MACROD2: variants seen among roughly 807,000 people sequenced by gnomAD.
MACROD2 encodes the protein mono-ADP ribosylhydrolase 2.
MACROD2 carries 36 observed loss-of-function variants against 70.4 expected under a neutral mutation model. That is an observed-to-expected ratio of 0.51 (90% CI 0.39 to 0.68). MACROD2 has a LOEUF of 0.68. MACROD2 is among the 30% of genes least tolerant of loss of function. The pLI is 0.00. For synonymous variants in MACROD2, 172 were observed against 178.8 expected (o/e 0.96, Z 0.30); for missense variants, 496 against 538.4 (o/e 0.92, Z 0.78).
At chr20:14,279,955 A>T (rs1479379888) in intron 3 of MACROD2, among the ~76,000 whole-genome samples, 5 of 152,166 alleles carry the variant, frequency 3.3e-5, no homozygotes, top group African/African-American at 1.2e-4. Context: ...GTCAGAGGGA[A>T]ATTTCTATCC....
intron 3 of MACROD2, among the ~76,000 whole-genome samples, chr20:14,418,822 A>G (rs1321561016): frequency 6.6e-6 from 1 of 152,184 alleles, no homozygotes; most frequent in Non-Finnish European, 1.5e-5. Context: ...ACTAGAATGT[A>G]GTGAGGTCCA....
intron 5 of MACROD2, among the ~76,000 whole-genome samples, chr20:15,192,042 C>G (rs538021145): frequency 1.3e-5 from 2 of 151,280 alleles, no homozygotes; most frequent in Non-Finnish European, 2.9e-5. Context: ...ATCTATCTAT[C>G]TATCTATCTA....
chr20:14,524,183 C>G (rs1293159785), intron 4 of MACROD2, among the ~76,000 whole-genome samples: 1 of 152,188 alleles, frequency 6.6e-6, no homozygotes, highest in Non-Finnish European at 1.5e-5. Flanking sequence ...TGTAGTCACT[C>G]TGGTTATGGC....
chr20:15,833,762 G>A (rs1186234407), intron 8 of MACROD2, among the ~76,000 whole-genome samples: 1 of 152,088 alleles, frequency 6.6e-6, no homozygotes, highest in Non-Finnish European at 1.5e-5. Flanking sequence ...AATACCTAAG[G>A]TACATTTTTA....
chr20:14,475,311 T>C (rs1448719525), intron 3 of MACROD2, among the ~76,000 whole-genome samples: 4 of 140,800 alleles, frequency 2.8e-5, no homozygotes. Flanking sequence ...CTTTTTATGT[T>C]GCCTATACCA....
At chr20:14,707,290 C>T (rs1009432388) in intron 5 of MACROD2, among the ~76,000 whole-genome samples, 3 of 152,078 alleles carry the variant, frequency 2.0e-5, no homozygotes, top group African/African-American at 4.8e-5. Flanking sequence ...CCCATAGCAG[C>T]GGGATCCAGC....
rs138813996 is a variant in MACROD2 at position 15,551,725 on chromosome 20, G to A, written c.645+51878G>A. ...CTCTACAAAAAATAAAAACTTAGCCGGATGTGATGGTGTGGGCCTGTGGTC... is the reference window on the plus strand; with the variant it reads ...CTCTACAAAAAATAAAAACTTAGCCAGATGTGATGGTGTGGGCCTGTGGTC... On this transcript the variant is annotated intron_variant, in intron 8 of 17. Coordinates refer to ENST00000684519, the MANE Select transcript of MACROD2 (RefSeq NM_001351661.2). Among the ~76,000 whole-genome samples, 10 of 152,104 alleles carry A rather than the reference G, an allele frequency of 6.6e-5. No homozygotes were observed. In the East Asian group the frequency reaches 1.5e-3, roughly 24 times the overall value.
chr20:15,390,139 A>T (rs1018838757), intron 6 of MACROD2, among the ~76,000 whole-genome samples: 2 of 152,142 alleles, frequency 1.3e-5, no homozygotes, highest in Non-Finnish European at 2.9e-5. Context: ...CTTAAGTCAG[A>T]TATACAAGTC....
At chr20:15,724,379 T>C (rs2050831414) in intron 8 of MACROD2, among the ~76,000 whole-genome samples, 1 of 152,252 alleles carries the variant, frequency 6.6e-6, no homozygotes, top group Admixed American at 6.5e-5. Context: ...TTGTATGCTA[T>C]TCTCTAAGAG....
At chr20:16,018,142 A>G (rs1468552961) in intron 15 of MACROD2, among the ~76,000 whole-genome samples, 1 of 152,220 alleles carries the variant, frequency 6.6e-6, no homozygotes, top group Non-Finnish European at 1.5e-5. Flanking sequence ...AATGAATATT[A>G]TGAGATGGCT....
chr20:15,713,095 A>G (rs985208677), intron 8 of MACROD2, among the ~76,000 whole-genome samples: 24 of 152,212 alleles, frequency 1.6e-4, no homozygotes, highest in African/African-American at 5.8e-4. Flanking sequence ...GCCAGATACC[A>G]TTCTGCAGAG....
chr20:15,419,058 A>G (rs1477502368), intron 6 of MACROD2, among the ~76,000 whole-genome samples: 1 of 152,196 alleles, frequency 6.6e-6, no homozygotes, highest in Non-Finnish European at 1.5e-5. Context: ...CTCTGGGATA[A>G]GGATTTGGGG....
intron 13 of MACROD2, among the ~76,000 whole-genome samples, chr20:15,978,154 G>A (rs1032496778): frequency 6.6e-6 from 1 of 152,168 alleles, no homozygotes; most frequent in Non-Finnish European, 1.5e-5. Context: ...CTGAAATTCT[G>A]CATTTTTGAA....
At position 16,052,287 on chromosome 20, in the gene MACROD2, G is replaced by C. The variant is rs952895057; in HGVS notation, c.*2411G>C. 3 of 152,160 alleles carry C rather than the reference G, an allele frequency of 2.0e-5. No individual in the cohort carries two copies. The highest frequency in any genetic ancestry group is 7.2e-5 in the African/African-American group (3 of 41,432). The allele number at this position is 152,160 out of a possible 1,614,324, so 9.4% of individuals were successfully genotyped here. A position where few individuals can be genotyped will look rare whatever the true frequency, so the allele number is the denominator to read the frequency against. ...ACAATCTAACTATAGCCAGATCAAA[G>C]ACACCTGAACACAGAAAACCTTTAT... is the stretch of plus-strand genomic sequence containing the variant. On this transcript the variant is annotated 3_prime_UTR_variant, in exon 18 of 18. Transcript: ENST00000684519.
At chr20:14,977,256 C>G (rs763052487) in intron 5 of MACROD2, among the ~76,000 whole-genome samples, 2 of 151,508 alleles carry the variant, frequency 1.3e-5, no homozygotes, top group African/African-American at 2.4e-5. Flanking sequence ...CAAATCTTCA[C>G]CAGACTCAGC....
chr20:15,474,088 G>T (rs576993658), intron 7 of MACROD2, among the ~76,000 whole-genome samples: 10 of 152,120 alleles, frequency 6.6e-5, no homozygotes, highest in Non-Finnish European at 1.3e-4. Flanking sequence ...TGTCTAATCT[G>T]AAATAGTATC....
intron 2 of MACROD2, among the ~76,000 whole-genome samples, chr20:14,061,912 T>C (rs980450939): frequency 1.3e-5 from 2 of 152,166 alleles, no homozygotes; most frequent in African/African-American, 4.8e-5. Flanking sequence ...GTCCTCCAAC[T>C]TTAATGTGTT....
chr20:14,361,852 T>C (rs1458661994), intron 3 of MACROD2, among the ~76,000 whole-genome samples: 1 of 152,236 alleles, frequency 6.6e-6, no homozygotes, highest in African/African-American at 2.4e-5. Context: ...TTCTTCCCAA[T>C]GTACTTTTCT....
At chr20:14,701,529 C>T (rs776254298) in intron 5 of MACROD2, among the ~76,000 whole-genome samples, 1 of 152,140 alleles carries the variant, frequency 6.6e-6, no homozygotes, top group Admixed American at 6.5e-5. Flanking sequence ...AGAGAGATCC[C>T]TCTGCTGAAT....
Sources: allele counts gnomAD v4.1 joint callset (sites outside exome capture counted in the v4.1 genomes callset), GRCh38; gene constraint gnomAD v4.1.1; transcripts MANE v1.5; gene names NCBI Gene and HGNC (gene_info 2026-07-23, HGNC 2026-07-21).